TAS2R1: variants seen among roughly 807,000 people sequenced by gnomAD.
TAS2R1 encodes taste 2 receptor member 1, also known as taste receptor type 2 member 1.
For synonymous variants in TAS2R1, 141 were observed against 134.2 expected (o/e 1.05, Z -0.35); for missense variants, 370 against 353.4 (o/e 1.05, Z -0.38).
At chr5:9,786,938 C>T in the TAS2R1 span, among the ~76,000 whole-genome samples, 1 of 152,106 alleles carries the variant, frequency 6.6e-6, no homozygotes, top group South Asian at 2.1e-4. Context: ...AATATTTTCC[C>T]CTCTCCCAGG....
At chr5:9,693,149 G>T (rs1741282621) in intron 1 of TAS2R1, among the ~76,000 whole-genome samples, 1 of 152,032 alleles carries the variant, frequency 6.6e-6, no homozygotes, top group Non-Finnish European at 1.5e-5. Flanking sequence ...CCCCCAAAGT[G>T]AAAAACAAAT....
the TAS2R1 span, among the ~76,000 whole-genome samples, chr5:9,781,543 A>G: frequency 6.6e-6 from 1 of 152,160 alleles, no homozygotes; most frequent in Non-Finnish European, 1.5e-5. Flanking sequence ...ACTGAGTAAA[A>G]GGCACAGTCC....
the TAS2R1 span, among the ~76,000 whole-genome samples, chr5:9,895,447 T>A: frequency 6.6e-6 from 1 of 152,212 alleles, no homozygotes; most frequent in South Asian, 2.1e-4. Context: ...GCCACAGCCA[T>A]ATGCAATCAC....
chr5:9,866,072 T>C, the TAS2R1 span, among the ~76,000 whole-genome samples: 7 of 152,324 alleles, frequency 4.6e-5, no homozygotes, highest in East Asian at 1.3e-3. Context: ...TACTCTTCTA[T>C]ACATTGAGAC....
the TAS2R1 span, among the ~76,000 whole-genome samples, chr5:9,743,537 G>A: frequency 6.6e-6 from 1 of 152,090 alleles, no homozygotes; most frequent in Non-Finnish European, 1.5e-5. Flanking sequence ...ACATCCCATT[G>A]TTGACAAAAT....
chr5:9,672,799 TACCCAA>T (rs1426895865), intron 1 of TAS2R1, among the ~76,000 whole-genome samples: 1 of 152,164 alleles, frequency 6.6e-6, no homozygotes, highest in Non-Finnish European at 1.5e-5. Flanking sequence ...ATTGGGTATA[TACCCAA>T]AGGAATAGAA....
the TAS2R1 span, among the ~76,000 whole-genome samples, chr5:9,794,065 T>A: frequency 6.6e-6 from 1 of 152,148 alleles, no homozygotes; most frequent in Non-Finnish European, 1.5e-5. Context: ...GTAACCAGGG[T>A]TTTGTGTCAC....
the TAS2R1 span, among the ~76,000 whole-genome samples, chr5:9,802,064 T>A: frequency 1.3e-5 from 2 of 152,166 alleles, no homozygotes; most frequent in Non-Finnish European, 2.9e-5. Flanking sequence ...ATCTTCCTTA[T>A]AGTACCATAG....
the TAS2R1 span, among the ~76,000 whole-genome samples, chr5:9,789,166 A>G: frequency 6.6e-6 from 1 of 152,150 alleles, no homozygotes; most frequent in Admixed American, 6.5e-5. Context: ...ACGGGCATCA[A>G]CCCAGGAGCC....
At chr5:9,850,946 G>A in the TAS2R1 span, among the ~76,000 whole-genome samples, 4 of 152,204 alleles carry the variant, frequency 2.6e-5, no homozygotes, top group Admixed American at 1.3e-4. Flanking sequence ...AGAGCTGAAA[G>A]AGAACATTCT....
At chr5:9,667,283 C>G (rs1224671746) in intron 1 of TAS2R1, among the ~76,000 whole-genome samples, 1 of 152,166 alleles carries the variant, frequency 6.6e-6, no homozygotes, top group Non-Finnish European at 1.5e-5. Context: ...CTACCTACCC[C>G]CACCTCTCGT....
chr5:9,717,151 A>G (rs925571743), upstream of TAS2R1, among the ~76,000 whole-genome samples: 1 of 152,182 alleles, frequency 6.6e-6, no homozygotes, highest in Non-Finnish European at 1.5e-5. Context: ...AATGAAATAG[A>G]CAATGCAAAA....
intron 1 of TAS2R1, among the ~76,000 whole-genome samples, chr5:9,667,808 C>T (rs1740667261): frequency 6.6e-6 from 1 of 152,088 alleles, no homozygotes; most frequent in Non-Finnish European, 1.5e-5. Flanking sequence ...ACTGAAGGAA[C>T]ATCAGCCCAC....
At chr5:9,632,907 A>C (rs2126475559), upstream of TAS2R1, among the ~76,000 whole-genome samples, 1 of 151,808 alleles carries the variant, frequency 6.6e-6, no homozygotes, top group Non-Finnish European at 1.5e-5. Context: ...ACCTCCTTCC[A>C]TGAATCACTT....
chr5:9,803,972 A>T, the TAS2R1 span, among the ~76,000 whole-genome samples: 1 of 152,168 alleles, frequency 6.6e-6, no homozygotes, highest in Non-Finnish European at 1.5e-5. Context: ...TTCACCAACC[A>T]AGTTTCTGCT....
intron 2 of TAS2R1, among the ~76,000 whole-genome samples, chr5:9,654,894 T>C (rs562110372): frequency 8.5e-5 from 13 of 152,248 alleles, no homozygotes; most frequent in Non-Finnish European, 1.9e-4. Flanking sequence ...CCAGCAATTC[T>C]ACTCCTGTTA....
chr5:9,810,329 G>A, the TAS2R1 span, among the ~76,000 whole-genome samples: 1 of 152,182 alleles, frequency 6.6e-6, no homozygotes, highest in African/African-American at 2.4e-5. Flanking sequence ...ACTTCTATGT[G>A]TCTCCTGTGG....
At chr5:9,649,666 C>G (rs1352545778) in intron 2 of TAS2R1, among the ~76,000 whole-genome samples, 1 of 152,170 alleles carries the variant, frequency 6.6e-6, no homozygotes, top group Non-Finnish European at 1.5e-5. Flanking sequence ...GCAAATTGTT[C>G]TGGACCATGC....
chr5:9,704,084 T>A (rs557573967), intron 1 of TAS2R1, among the ~76,000 whole-genome samples: 119 of 152,232 alleles, frequency 7.8e-4, no homozygotes, highest in African/African-American at 2.8e-3. Context: ...AAACAGGAAA[T>A]ATTAATTGGC....
Sources: allele counts gnomAD v4.1 joint callset (sites outside exome capture counted in the v4.1 genomes callset), GRCh38; gene constraint gnomAD v4.1.1; transcripts MANE v1.5; gene names NCBI Gene and HGNC (gene_info 2026-07-23, HGNC 2026-07-21).